The following MID1 variants were observed in gnomAD, a reference collection of about 807,000 sequenced individuals.
MID1 encodes midline 1, also known as E3 ubiquitin-protein ligase Midline-1.
Under a neutral mutation model 40.4 loss-of-function variants are expected in MID1, and 7 were observed. The observed-to-expected ratio is 0.17, with a 90% CI of 0.10 to 0.33. The LOEUF is 0.33. Ranked by LOEUF, MID1 falls within the 10% of genes least tolerant of loss-of-function variation. The pLI, the probability that MID1 is intolerant of heterozygous loss-of-function variation, is 1.00. For synonymous variants in MID1, 229 were observed against 221.2 expected (o/e 1.04, Z -0.31); for missense variants, 367 against 558.5 (o/e 0.66, Z 3.46).
At chrX:10,822,073 T>C (rs1363483077) in intron 1 of MID1, among the ~76,000 whole-genome samples, 1 of 110,793 alleles carries the variant, frequency 9.0e-6, no homozygotes, top group Non-Finnish European at 1.9e-5. Flanking sequence ...TAAATTATTA[T>C]ACTTGATCTT....
chrX:10,455,918 T>A (rs1928636660), intron 8 of MID1, among the ~76,000 whole-genome samples: 2 of 112,320 alleles, frequency 1.8e-5, no homozygotes, highest in Admixed American at 1.9e-4. Flanking sequence ...CATTTTGTCA[T>A]AGTTGTTACT....
At chrX:10,798,071 A>G (rs1428170749) in intron 1 of MID1, among the ~76,000 whole-genome samples, 9 of 112,222 alleles carry the variant, frequency 8.0e-5, no homozygotes, top group African/African-American at 2.9e-4. Flanking sequence ...CAAAGCGGGC[A>G]TGGCAGGTTG....
At chrX:10,747,834 C>T (rs1478573041) in intron 1 of MID1, among the ~76,000 whole-genome samples, 2 of 112,539 alleles carry the variant, frequency 1.8e-5, no homozygotes, top group African/African-American at 6.5e-5. Flanking sequence ...TATGAAAAGA[C>T]ATGCTTATGC....
chrX:10,704,730 A>ATGCATG (rs2043215455), intron 1 of MID1, among the ~76,000 whole-genome samples: 1 of 88,928 alleles, frequency 1.1e-5, no homozygotes, highest in Non-Finnish European at 2.1e-5. Flanking sequence ...ATATATATAT[A>ATGCATG]TATATATATA....
chrX:10,809,113 C>T (rs748208188), intron 1 of MID1, among the ~76,000 whole-genome samples: 9 of 111,694 alleles, frequency 8.1e-5, no homozygotes, highest in South Asian at 3.8e-4. Flanking sequence ...AAAAAGTGGG[C>T]GATGGATATG....
chrX:10,710,946 T>C (rs1374088952), intron 1 of MID1, among the ~76,000 whole-genome samples: 1 of 111,641 alleles, frequency 9.0e-6, no homozygotes, highest in Non-Finnish European at 1.9e-5. Context: ...ACCATAACTG[T>C]GGGAGACAGA....
chrX:10,719,177 G>C (rs1340061623), intron 1 of MID1, among the ~76,000 whole-genome samples: 1 of 111,141 alleles, frequency 9.0e-6, no homozygotes, highest in Admixed American at 9.6e-5. Context: ...ATTCAACATA[G>C]TGTTGGAAGT....
chrX:10,733,059 T>C (rs2043462958), intron 1 of MID1, among the ~76,000 whole-genome samples: 1 of 109,769 alleles, frequency 9.1e-6, no homozygotes, highest in Non-Finnish European at 1.9e-5. Flanking sequence ...AGACGGGGTT[T>C]CACCGTGTTA....
At chrX:10,484,461 A>G (rs1289136747) in intron 4 of MID1, among the ~76,000 whole-genome samples, 1 of 112,506 alleles carries the variant, frequency 8.9e-6, no homozygotes, top group Non-Finnish European at 1.9e-5. Flanking sequence ...GATATTGAAC[A>G]TTAAAAGTGA....
rs929376058 is a variant in MID1 at position 10,562,388 on chromosome X, A to G, written c.660+4500T>C. Reference sequence around the variant, plus strand: ...ACTTAAAGTAAAAAAAAAAAAAAAAAAAAGAAAATTTCACTCTCTGAGTGG... The same window carrying G: ...ACTTAAAGTAAAAAAAAAAAAAAAAGAAAGAAAATTTCACTCTCTGAGTGG... On this transcript the variant is annotated intron_variant, in intron 2 of 9. Coordinates refer to ENST00000317552, the MANE Select transcript of MID1 (RefSeq NM_000381.4). Among the ~76,000 whole-genome samples the G allele has an allele frequency of 2.4e-3, 252 of 103,565 alleles. 14 individuals are homozygous for G. The highest frequency in any genetic ancestry group is 4.1e-3 in the Non-Finnish European group (215 of 51,882). The allele number at this position is 103,565 out of a possible 115,157, so 89.9% of individuals were successfully genotyped here.
intron 1 of MID1, among the ~76,000 whole-genome samples, chrX:10,742,751 G>A (rs1380042950): frequency 1.8e-5 from 2 of 112,241 alleles, no homozygotes; most frequent in African/African-American, 6.5e-5. Flanking sequence ...CAAATATCCA[G>A]TCATTGGAGC....
chrX:10,553,153 CAGG>C (rs765357084), intron 2 of MID1, among the ~76,000 whole-genome samples: 1 of 109,248 alleles, frequency 9.2e-6, no homozygotes, highest in East Asian at 2.9e-4. Context: ...GAGCCTGAGG[CAGG>C]AGAATTGCTT....
intron 2 of MID1, among the ~76,000 whole-genome samples, chrX:10,528,907 T>C (rs1333758379): frequency 1.8e-5 from 2 of 111,697 alleles, no homozygotes; most frequent in African/African-American, 6.5e-5. Context: ...TTTTGACTCG[T>C]AGATATTCTA....
chrX:10,560,021 A>G (rs1225772781), intron 2 of MID1, among the ~76,000 whole-genome samples: 2 of 108,858 alleles, frequency 1.8e-5, no homozygotes, highest in Non-Finnish European at 3.8e-5. Context: ...AACTGGAACC[A>G]CAGGTACATG....
At chrX:10,516,559 C>CG (rs1569079489) in intron 3 of MID1, among the ~76,000 whole-genome samples, 135 of 70,997 alleles carry the variant, frequency 1.9e-3, no homozygotes, top group Non-Finnish European at 2.9e-3. Flanking sequence ...ATACTCTGCT[C>CG]TTGTGTGTGT....
intron 1 of MID1, among the ~76,000 whole-genome samples, chrX:10,765,996 AAAGAAAGAAAG>A (rs1328061241): frequency 9.2e-6 from 1 of 109,110 alleles, no homozygotes; most frequent in African/African-American, 3.3e-5. Flanking sequence ...AGAAAGAAAG[AAAGAAAGAAAG>A]AACCAAAACC....
intron 4 of MID1, among the ~76,000 whole-genome samples, chrX:10,484,596 T>C (rs1395152269): frequency 8.9e-6 from 1 of 112,359 alleles, no homozygotes; most frequent in Non-Finnish European, 1.9e-5. Flanking sequence ...ATTTTAGTTA[T>C]AGGTTAGTGT....
chrX:10,800,647 C>A (rs2043999605), intron 1 of MID1, among the ~76,000 whole-genome samples: 1 of 111,570 alleles, frequency 9.0e-6, no homozygotes, highest in African/African-American at 3.3e-5. Flanking sequence ...TTTGAGGTGA[C>A]AGATACCTCA....
At chrX:10,686,711 A>C (rs1332480087) in intron 1 of MID1, among the ~76,000 whole-genome samples, 2 of 112,391 alleles carry the variant, frequency 1.8e-5, no homozygotes, top group African/African-American at 3.2e-5. Flanking sequence ...AAGGGGGAAG[A>C]AGCAAGATTG....
Sources: gnomAD v4.1 joint callset for allele counts (sites outside exome capture counted in the v4.1 genomes callset) on GRCh38, gnomAD v4.1.1 for gene constraint, MANE v1.5 for transcripts, NCBI Gene and HGNC (gene_info 2026-07-23, HGNC 2026-07-21) for gene names.